Variants in TWSG1 observed in about 807,000 individuals in gnomAD.
The protein encoded by TWSG1 is twisted gastrulation BMP signaling modulator 1, also known as twisted gastrulation protein homolog 1.
A neutral mutation model predicts 23.0 loss-of-function variants in TWSG1; 15 were observed. That is an observed-to-expected ratio of 0.65 (90% CI 0.44 to 1.00). The LOEUF is 1.00. TWSG1 is among the 50% of genes least tolerant of loss of function. The probability of loss-of-function intolerance (pLI) is 0.00; values close to 1 mark genes in which losing one functional copy is unlikely to be tolerated. For synonymous variants in TWSG1, 86 were observed against 92.8 expected (o/e 0.93, Z 0.42); for missense variants, 242 against 278.7 (o/e 0.87, Z 0.94).
At chr18:9,364,191 G>A (rs888845436) in intron 3 of TWSG1, among the ~76,000 whole-genome samples, 1 of 152,042 alleles carries the variant, frequency 6.6e-6, no homozygotes, top group African/African-American at 2.4e-5. Context: ...ACCACATTCT[G>A]GATTTGGTTG....
At chr18:9,346,062 A>G (rs1396150580) in intron 2 of TWSG1, among the ~76,000 whole-genome samples, 3 of 152,196 alleles carry the variant, frequency 2.0e-5, no homozygotes, top group South Asian at 2.1e-4. Flanking sequence ...TGACAAATGC[A>G]TAATGTCTTG....
chr18:9,381,138 T>C (rs1598832073), intron 3 of TWSG1, among the ~76,000 whole-genome samples: 1 of 152,232 alleles, frequency 6.6e-6, no homozygotes, highest in East Asian at 1.9e-4. Flanking sequence ...TGAAAACTTG[T>C]GTCTACTCTC....
chr18:9,361,331 G>C (rs1350439657), intron 3 of TWSG1, among the ~76,000 whole-genome samples: 1 of 151,928 alleles, frequency 6.6e-6, no homozygotes, highest in East Asian at 1.9e-4. Flanking sequence ...GTACTGTTTT[G>C]TGGTTGCTGT....
intron 3 of TWSG1, among the ~76,000 whole-genome samples, chr18:9,374,525 G>A (rs1457310440): frequency 6.6e-6 from 1 of 152,034 alleles, no homozygotes; most frequent in Non-Finnish European, 1.5e-5. Context: ...TAAATAAATT[G>A]AATCAATTGC....
intron 3 of TWSG1, among the ~76,000 whole-genome samples, chr18:9,366,256 A>G (rs2145613052): frequency 6.6e-6 from 1 of 152,318 alleles, no homozygotes; most frequent in South Asian, 2.1e-4. Context: ...CTGCTTAGCA[A>G]CCACAGCTTG....
rs368949754 is a variant in TWSG1, at chr18:9,360,018, A to G, written c.170A>G (p.Lys57Arg). The G allele has an allele frequency of 6.8e-6, 11 of 1,613,576 alleles. No homozygotes were observed. Among genetic ancestry groups the G allele is most frequent in the Non-Finnish European group, 4.2e-6 (5 of 1,179,736 alleles). Reference sequence around the variant, plus strand: ...GGAGAAGGCAATTGCTCCTGCTGTAAGGAGTGCATGCTGTGTCTTGGGGCC... The same window carrying G: ...GGAGAAGGCAATTGCTCCTGCTGTAGGGAGTGCATGCTGTGTCTTGGGGCC... ...RPGEGNCSCCKECMLCLGALW... is the reference protein window; with the variant it reads ...RPGEGNCSCCRECMLCLGALW... Residue 57 changes from lysine (K) to arginine (R), a missense_variant, in exon 3 of 5, where the codon AAG becomes AGG. Transcript: ENST00000262120.
chr18:9,382,631 A>C (rs1463550488), intron 3 of TWSG1, among the ~76,000 whole-genome samples: 1 of 151,954 alleles, frequency 6.6e-6, no homozygotes, highest in Non-Finnish European at 1.5e-5. Context: ...ACATGGTGAA[A>C]ACCTGTCTCT....
chr18:9,388,095 T>C (rs543320080), intron 3 of TWSG1: 61 of 152,378 alleles, frequency 4.0e-4, no homozygotes, highest in African/African-American at 1.4e-3. Context: ...ACTGTATCAG[T>C]TGACCTATAG....
chr18:9,359,907 T>C, intron 2 of TWSG1, 65 bp from the exon 3 acceptor site: 1 of 1,359,668 alleles, frequency 7.4e-7, no homozygotes, highest in Admixed American at 1.9e-5. Context: ...GTTTTTTGCT[T>C]AAAAAGTAGC....
chr18:9,347,107 C>A (rs2040480858), intron 2 of TWSG1, among the ~76,000 whole-genome samples: 1 of 152,122 alleles, frequency 6.6e-6, no homozygotes, highest in Non-Finnish European at 1.5e-5. Context: ...TACTTATTTG[C>A]CATTTGTATA....
chr18:9,368,008 GTT>G (rs1655082196), intron 3 of TWSG1, among the ~76,000 whole-genome samples: 1 of 152,152 alleles, frequency 6.6e-6, no homozygotes, highest in Non-Finnish European at 1.5e-5. Context: ...TACTGAGCTA[GTT>G]CTATTTTTAA....
intron 3 of TWSG1, among the ~76,000 whole-genome samples, chr18:9,369,698 AC>A (rs1432581048): frequency 6.6e-6 from 1 of 151,906 alleles, no homozygotes; most frequent in Non-Finnish European, 1.5e-5. Flanking sequence ...TACCCAGCTT[AC>A]TTTTTAATTT....
In TWSG1 at chr18:9,384,573, A is replaced by G. The variant is rs1298769777; in HGVS notation, c.224-11707A>G. ...GAAATAACTCTAAAAACAAAGATAA[A>G]TAAAAGGAACAATTGTAATTTGAGT... On this transcript the variant is annotated intron_variant, in intron 3 of 4. Coordinates refer to ENST00000262120, the MANE Select transcript of TWSG1 (RefSeq NM_020648.6). Among the ~76,000 whole-genome samples the G allele has an allele frequency of 2.0e-5, 3 of 152,222 alleles. No homozygotes were observed. The East Asian group carries it at 5.8e-4, about 29-fold the overall frequency.
intron 3 of TWSG1, among the ~76,000 whole-genome samples, chr18:9,379,786 GA>G (rs1249126604): frequency 5.3e-5 from 8 of 152,038 alleles, no homozygotes; most frequent in Non-Finnish European, 1.5e-5. Flanking sequence ...AGACTTGTTT[GA>G]AAAAAACTTC....
chr18:9,351,598 A>C (rs987837214), intron 2 of TWSG1, among the ~76,000 whole-genome samples: 2 of 150,572 alleles, frequency 1.3e-5, no homozygotes, highest in African/African-American at 4.9e-5. Context: ...AAATTTATGA[A>C]GAAACCCCAG....
chr18:9,369,752 A>C (rs2040596045), intron 3 of TWSG1, among the ~76,000 whole-genome samples: 1 of 151,982 alleles, frequency 6.6e-6, no homozygotes, highest in Non-Finnish European at 1.5e-5. Flanking sequence ...GCTCATCTCA[A>C]GCTCCTGACC....
intron 3 of TWSG1, among the ~76,000 whole-genome samples, chr18:9,375,226 A>AG (rs200432059): frequency 0.017 from 2,357 of 140,394 alleles, 22 homozygotes; most frequent in Non-Finnish European, 0.03. Flanking sequence ...AAGTTAAAAA[A>AG]GAAAAAAAAA....
chr18:9,347,400 G>T (rs1026234512), intron 2 of TWSG1, among the ~76,000 whole-genome samples: 3 of 152,196 alleles, frequency 2.0e-5, no homozygotes, highest in Non-Finnish European at 1.5e-5. Flanking sequence ...AATAGGGATT[G>T]CATTGAATCT....
Position 9,360,062 on chromosome 18 carries a change from G to T in TWSG1, c.214G>T (p.Asp72Tyr). The T allele has an allele frequency of 6.2e-7, 1 of 1,613,060 alleles. No individual in the cohort carries two copies. The highest frequency in any genetic ancestry group is 1.1e-5 in the South Asian group (1 of 90,986). ...CLGALWDECC[D>Y]CVGMCNPRNY... ...TGGGGCCCTTTGGGACGAGTGCTGTGACTGTGTTGGTAAGTTGATACCAAG... is the reference window on the plus strand; with the variant it reads ...TGGGGCCCTTTGGGACGAGTGCTGTTACTGTGTTGGTAAGTTGATACCAAG... Residue 72 changes from aspartate (D) to tyrosine (Y), a missense_variant, in exon 3 of 5, where the codon GAC becomes TAC. Coordinates refer to ENST00000262120, the MANE Select transcript of TWSG1 (RefSeq NM_020648.6).
Sources: gnomAD v4.1 joint callset for allele counts (sites outside exome capture counted in the v4.1 genomes callset) on GRCh38, gnomAD v4.1.1 for gene constraint, MANE v1.5 for transcripts, NCBI Gene and HGNC (gene_info 2026-07-23, HGNC 2026-07-21) for gene names.